PLXDC2: variants seen among roughly 807,000 people sequenced by gnomAD.
PLXDC2 encodes the protein plexin domain-containing protein 2.
In PLXDC2, 40 loss-of-function variants were observed where a neutral mutation model predicts 68.9. The observed-to-expected ratio is 0.58, with a 90% CI of 0.45 to 0.76. The LOEUF (loss-of-function observed/expected upper bound fraction) is 0.76, where lower values mean the gene tolerates loss of function less well. Ranked by LOEUF, PLXDC2 falls within the 30% of genes least tolerant of loss-of-function variation. The pLI, the probability that PLXDC2 is intolerant of heterozygous loss-of-function variation, is 0.00. For missense variants in PLXDC2, 644 were observed against 661.9 expected (o/e 0.97, Z 0.30); for synonymous variants, 243 against 234.2 (o/e 1.04, Z -0.34).
chr10:19,961,699 C>G (rs1014420088), intron 1 of PLXDC2, among the ~76,000 whole-genome samples: 1 of 152,158 alleles, frequency 6.6e-6, no homozygotes, highest in Non-Finnish European at 1.5e-5. Flanking sequence ...GTACATTGCA[C>G]AAAGGTCTTG....
At chr10:19,818,662 T>C (rs1243225059) in intron 1 of PLXDC2, among the ~76,000 whole-genome samples, 1 of 152,208 alleles carries the variant, frequency 6.6e-6, no homozygotes, top group Non-Finnish European at 1.5e-5. Context: ...TAGGTTGTTC[T>C]TGACTGTGTA....
chr10:20,199,100 A>G (rs976991976), intron 9 of PLXDC2, among the ~76,000 whole-genome samples: 2 of 152,102 alleles, frequency 1.3e-5, no homozygotes, highest in African/African-American at 2.4e-5. Flanking sequence ...TAGTCAAATA[A>G]TAAATCTATT....
chr10:19,975,401 T>C (rs1411341715), intron 1 of PLXDC2, among the ~76,000 whole-genome samples: 1 of 152,064 alleles, frequency 6.6e-6, no homozygotes, highest in African/African-American at 2.4e-5. Context: ...GAGCTTGCAG[T>C]GAGCAGAGAT....
Position 20,164,501 on chromosome 10 carries a change from A to C in PLXDC2, c.817A>C (p.Asn273His), listed in dbSNP as rs1834346926. The C allele has an allele frequency of 1.9e-6, 3 of 1,613,682 alleles. No homozygotes were observed. The highest frequency in any genetic ancestry group is 3.3e-5 in the Admixed American group (2 of 59,978). Residue 273 changes from asparagine (N) to histidine (H), a missense_variant, in exon 7 of 14, where the codon AAT (asparagine) becomes CAT (histidine). Coordinates refer to ENST00000377252, the MANE Select transcript of PLXDC2 (RefSeq NM_032812.9). ...CTTGGTCACACAGATAAGTTCAACC[A>C]ATCATCCAGTGAAAGTCGGACTGTC... ...PVLVTQISST[N>H]HPVKVGLSDA...
intron 12 of PLXDC2, among the ~76,000 whole-genome samples, chr10:20,237,976 G>A (rs1158896762): frequency 1.3e-5 from 2 of 151,834 alleles, no homozygotes; most frequent in Admixed American, 6.6e-5. Context: ...TTTAATAGTA[G>A]CTACAGATCA....
At chr10:20,210,061 A>G (rs1280749174) in intron 9 of PLXDC2, among the ~76,000 whole-genome samples, 2 of 152,192 alleles carry the variant, frequency 1.3e-5, no homozygotes, top group Admixed American at 6.5e-5. Flanking sequence ...GAGATTTTAC[A>G]TAAAAGAGAC....
chr10:20,090,960 TC>T (rs1202252120), intron 4 of PLXDC2, among the ~76,000 whole-genome samples: 2 of 152,218 alleles, frequency 1.3e-5, no homozygotes, highest in African/African-American at 2.4e-5. Flanking sequence ...GAATACAATT[TC>T]AGCCACAGTA....
chr10:19,864,101 A>G (rs1171975357), intron 1 of PLXDC2, among the ~76,000 whole-genome samples: 4 of 152,060 alleles, frequency 2.6e-5, no homozygotes, highest in Non-Finnish European at 5.9e-5. Context: ...TGTAACCTCA[A>G]ATGTTTCTCC....
chr10:20,157,581 G>A (rs149384354), intron 6 of PLXDC2, among the ~76,000 whole-genome samples: 3 of 152,302 alleles, frequency 2.0e-5, no homozygotes, highest in African/African-American at 7.2e-5. Context: ...TGGGGTTCCT[G>A]TGTGCTGGAG....
intron 4 of PLXDC2, among the ~76,000 whole-genome samples, chr10:20,091,525 A>T (rs1420070723): frequency 6.6e-6 from 1 of 152,180 alleles, no homozygotes; most frequent in Non-Finnish European, 1.5e-5. Context: ...ATAAGAGAGT[A>T]AGAACCTTTT....
At position 20,164,584 on chromosome 10, in the gene PLXDC2, C is replaced by T. The variant is rs1205181444; in HGVS notation, c.883+17C>T. On this transcript the variant is annotated intron_variant, in intron 7 of 13. Transcript: ENST00000377252. ...AAATTCCCAGTACGTAGAAGAAGGG[C>T]AGTCGCAATGAGTGAGCCTCTGTGG... 2 of 1,578,080 alleles carry T rather than the reference C, an allele frequency of 1.3e-6. No individual in the cohort carries two copies. Among genetic ancestry groups the T allele is most frequent in the African/African-American group, 1.3e-5 (1 of 74,080 alleles).
intron 2 of PLXDC2, among the ~76,000 whole-genome samples, chr10:20,005,069 C>A (rs576769033): frequency 6.6e-6 from 1 of 152,262 alleles, no homozygotes; most frequent in East Asian, 1.9e-4. Flanking sequence ...TTAGTATTTT[C>A]CTAAGGTCTC....
At chr10:19,914,869 T>C (rs986399868) in intron 1 of PLXDC2, among the ~76,000 whole-genome samples, 2 of 152,148 alleles carry the variant, frequency 1.3e-5, no homozygotes, top group Admixed American at 1.3e-4. Flanking sequence ...CCTTTCTGTC[T>C]CTGGTAATTT....
intron 2 of PLXDC2, among the ~76,000 whole-genome samples, chr10:20,016,612 C>T (rs1368724154): frequency 6.6e-6 from 1 of 152,166 alleles, no homozygotes; most frequent in African/African-American, 2.4e-5. Flanking sequence ...AAGTGTTTAC[C>T]TGGTGGCCAT....
intron 10 of PLXDC2, among the ~76,000 whole-genome samples, chr10:20,216,336 G>T (rs1470414722): frequency 6.6e-6 from 1 of 152,146 alleles, no homozygotes; most frequent in Non-Finnish European, 1.5e-5. Flanking sequence ...ATATAGTCCA[G>T]GGTGTGGGGA....
chr10:19,918,577 CTATGATG>C (rs1456142237), intron 1 of PLXDC2, among the ~76,000 whole-genome samples: 1 of 152,154 alleles, frequency 6.6e-6, no homozygotes, highest in Non-Finnish European at 1.5e-5. Context: ...AAGTGTTCAA[CTATGATG>C]TATTTTAAAA....
chr10:20,130,055 T>G (rs1222718546), intron 4 of PLXDC2, among the ~76,000 whole-genome samples: 1 of 152,078 alleles, frequency 6.6e-6, no homozygotes, highest in Non-Finnish European at 1.5e-5. Context: ...AAAATGCCAT[T>G]GGGATTTTGA....
intron 1 of PLXDC2, among the ~76,000 whole-genome samples, chr10:19,933,826 G>A (rs1833680075): frequency 8.1e-6 from 1 of 123,778 alleles, no homozygotes; most frequent in African/African-American, 3.0e-5. Flanking sequence ...AGGAAGGAGG[G>A]AAGGAAGGAA....
intron 1 of PLXDC2, among the ~76,000 whole-genome samples, chr10:19,906,116 A>G (rs140103176): frequency 2.7e-3 from 410 of 152,276 alleles, no homozygotes; most frequent in Non-Finnish European, 4.8e-3. Context: ...GGTATGGAGC[A>G]AAATAAAGAA....
Sources: gnomAD v4.1 joint callset for allele counts (sites outside exome capture counted in the v4.1 genomes callset) on GRCh38, gnomAD v4.1.1 for gene constraint, MANE v1.5 for transcripts, NCBI Gene and HGNC (gene_info 2026-07-23, HGNC 2026-07-21) for gene names.